C5orf34: variants seen among roughly 807,000 people sequenced by gnomAD.
C5orf34 encodes the protein uncharacterized protein C5orf34.
In C5orf34, 73 loss-of-function variants were observed where a neutral mutation model predicts 78.4. That is an observed-to-expected ratio of 0.93 (90% CI 0.77 to 1.13). C5orf34 has a LOEUF of 1.13. Among genes scored for constraint, C5orf34 ranks in the 50% most tolerant of loss-of-function variants. The probability of loss-of-function intolerance (pLI) is 0.00; values close to 1 mark genes in which losing one functional copy is unlikely to be tolerated. For missense variants in C5orf34, 730 were observed against 732.7 expected (o/e 1.00, Z 0.04); for synonymous variants, 251 against 246.6 (o/e 1.02, Z -0.17).
chr5:43,497,846 C>T (rs183353328), intron 6 of C5orf34, among the ~76,000 whole-genome samples: 9 of 152,310 alleles, frequency 5.9e-5, no homozygotes, highest in Admixed American at 4.6e-4. Flanking sequence ...CTGGAATTAG[C>T]GTCATTTCAA....
intron 1 of C5orf34, among the ~76,000 whole-genome samples, chr5:43,510,853 C>T (rs1013993852): frequency 3.9e-5 from 6 of 152,250 alleles, no homozygotes; most frequent in African/African-American, 7.2e-5. Flanking sequence ...AGCCTCTGCC[C>T]GGACGCCACC....
chr5:43,507,951 G>A (rs144528875), intron 3 of C5orf34, among the ~76,000 whole-genome samples: 3,430 of 152,146 alleles, frequency 0.023, 62 homozygotes, highest in Admixed American at 0.037. Context: ...GGTGGCGGGT[G>A]CCTGTAGCCC....
chr5:43,508,033 G>A lies in C5orf34; in HGVS notation c.285+544C>T, dbSNP rs570696857. Among the ~76,000 whole-genome samples the A allele has an allele frequency of 3.4e-3, 501 of 147,562 alleles. 3 individuals are homozygous for A. Among genetic ancestry groups the A allele is most frequent in the Non-Finnish European group, 4.8e-3 (321 of 67,374 alleles). ...GTGGAGGTTGCAGTGAGCCGAGATC[G>A]TGCCACTGCACTCCAGCCCTGGCGA... On this transcript the variant is annotated intron_variant, in intron 3 of 12. Coordinates refer to ENST00000306862, the MANE Select transcript of C5orf34 (RefSeq NM_198566.4).
intron 5 of C5orf34, 114 bp downstream of exon 5, chr5:43,503,551 C>T: frequency 2.6e-6 from 2 of 773,474 alleles, no homozygotes; most frequent in East Asian, 2.5e-5. Context: ...GCACAGTTGG[C>T]CCAACAGAAC....
intron 1 of C5orf34, 52 bp downstream of exon 1, chr5:43,514,754 C>G (rs912884790): frequency 1.3e-5 from 2 of 152,140 alleles, no homozygotes; most frequent in African/African-American, 4.8e-5. Context: ...GCTATAGTCT[C>G]TAGTTACAGA....
intron 4 of C5orf34, 78 bp from the exon 5 acceptor site, chr5:43,503,838 C>T: frequency 1.2e-6 from 1 of 865,732 alleles, no homozygotes; most frequent in Non-Finnish European, 1.9e-6. Flanking sequence ...AATGTTGCTA[C>T]TGTAACAGGA....
intron 6 of C5orf34, chr5:43,496,513 G>GA (rs141439357): frequency 0.076 from 99,959 of 1,316,418 alleles, 4,479 homozygotes; most frequent in African/African-American, 0.18. Flanking sequence ...CCCATTGTGG[G>GA]AAAAAAAAGC....
At chr5:43,510,367 T>C (rs1746170780) in intron 1 of C5orf34, among the ~76,000 whole-genome samples, 1 of 152,232 alleles carries the variant, frequency 6.6e-6, no homozygotes, top group Non-Finnish European at 1.5e-5. Context: ...TAAAGTACTA[T>C]GTCTTCACCT....
chr5:43,509,269 G>A lies in C5orf34; in HGVS notation c.71C>T (p.Thr24Ile). The A allele has an allele frequency of 6.2e-7, 1 of 1,614,128 alleles. No homozygotes were observed. The highest frequency in any genetic ancestry group is 8.5e-7 in the Non-Finnish European group (1 of 1,179,960). Reference protein sequence around the residue: ...SVQVQYVDGSTLQLSPCGSEF... With the variant: ...SVQVQYVDGSILQLSPCGSEF... ...AGAGCCACAGGGAGAAAGTTGCAAT[G>A]TGGAACCATCAACATATTGTACTTG... The change falls in exon 2 of 13, where the codon ACA (threonine) becomes ATA (isoleucine). Residue 24 changes from threonine to isoleucine, a missense_variant. Transcript: ENST00000306862.
At chr5:43,496,540 A>T (rs2112287761) in intron 6 of C5orf34, 1 of 1,088,628 alleles carries the variant, frequency 9.2e-7, no homozygotes, top group East Asian at 2.6e-5. Flanking sequence ...CCCATTTTTT[A>T]AAAATATAGA....
intron 10 of C5orf34, among the ~76,000 whole-genome samples, chr5:43,491,196 A>G (rs181613156): frequency 1.1e-4 from 16 of 152,336 alleles, no homozygotes; most frequent in Admixed American, 8.5e-4. Context: ...GTAACTTACT[A>G]CATATCTAAA....
At position 43,495,683 on chromosome 5, in the gene C5orf34, A is replaced by T; in HGVS notation, c.1153-1082T>A. The T allele has an allele frequency of 1.1e-5, 17 of 1,580,904 alleles. No homozygotes were observed. In the South Asian group the frequency reaches 1.7e-4, roughly 15 times the overall value. ...CACTCGGCCAACAGGAACAGTACCA[A>T]TACCACCAATTTTGTAGACATCCTG... On this transcript the variant is annotated intron_variant, in intron 6 of 12. Coordinates refer to ENST00000306862, the MANE Select transcript of C5orf34 (RefSeq NM_198566.4).
At chr5:43,498,224 G>A (rs1199229344) in intron 6 of C5orf34, among the ~76,000 whole-genome samples, 1 of 152,160 alleles carries the variant, frequency 6.6e-6, no homozygotes, top group African/African-American at 2.4e-5. Flanking sequence ...TAGCACATGG[G>A]AAGCACTCAA....
Position 43,486,717 on chromosome 5 carries a change from G to A in C5orf34, c.*198C>T, listed in dbSNP as rs192180879. 5.0e-4 allele frequency: 162 copies of A among 321,804 alleles called. No individual in the cohort carries two copies. The East Asian group carries it at 5.8e-3, about 11-fold the overall frequency. The allele number at this position is 321,804 out of a possible 1,614,324, so 19.9% of individuals were successfully genotyped here. A position where few individuals can be genotyped will look rare whatever the true frequency, so the allele number is the denominator to read the frequency against. ...TTAAATGTGAAACGTTCAAAACTTC[G>A]AAATATTTATTATTAAGATATAAAT... On this transcript the variant is annotated 3_prime_UTR_variant, in exon 13 of 13. Transcript: ENST00000306862.
chr5:43,509,409 G>T lies in C5orf34; in HGVS notation c.-36-34C>A, dbSNP rs1746129341. The T allele has an allele frequency of 4.0e-6, 5 of 1,265,408 alleles. No homozygotes were observed. In the South Asian group the frequency reaches 4.8e-5, roughly 12 times the overall value. 78.4% of individuals were successfully genotyped at this position (1,265,408 alleles called of 1,614,324 possible). On this transcript the variant is annotated intron_variant, in intron 1 of 12. Transcript: ENST00000306862. ...AATAGGAAAAACAACAGCATAAATA[G>T]TTCTCTTAATGTACAAAACTTTTAT...
At chr5:43,510,360 A>G (rs1043668673) in intron 1 of C5orf34, among the ~76,000 whole-genome samples, 4 of 152,274 alleles carry the variant, frequency 2.6e-5, no homozygotes, top group East Asian at 1.9e-4. Flanking sequence ...CTACCTCTAA[A>G]GTACTATGTC....
At chr5:43,508,768 T>C in intron 2 of C5orf34, 102 bp from the exon 3 acceptor site, 1 of 777,664 alleles carries the variant, frequency 1.3e-6, no homozygotes, top group Non-Finnish European at 2.2e-6. Flanking sequence ...ACTTTTCATA[T>C]TCTAGCCACG....
At chr5:43,508,752 C>CTG in intron 2 of C5orf34, 86 bp from the exon 3 acceptor site, 1 of 856,186 alleles carries the variant, frequency 1.2e-6, no homozygotes, top group Non-Finnish European at 1.9e-6. Context: ...ATCCATAATA[C>CTG]TAATTACTTT....
intron 6 of C5orf34, among the ~76,000 whole-genome samples, chr5:43,497,117 C>A (rs1053353922): frequency 1.3e-5 from 2 of 151,864 alleles, no homozygotes; most frequent in African/African-American, 4.8e-5. Context: ...TATTTACAGG[C>A]GGAGGTTACT....
Sources: gnomAD v4.1 joint callset for allele counts (sites outside exome capture counted in the v4.1 genomes callset) on GRCh38, gnomAD v4.1.1 for gene constraint, MANE v1.5 for transcripts, NCBI Gene and HGNC (gene_info 2026-07-23, HGNC 2026-07-21) for gene names.